Variants in THSD4 observed in about 807,000 individuals in gnomAD.
The protein encoded by THSD4 is thrombospondin type-1 domain-containing protein 4.
In THSD4, 69 loss-of-function variants were observed where a neutral mutation model predicts 119.0. The observed-to-expected ratio is 0.58, with a 90% CI of 0.48 to 0.71. The LOEUF (loss-of-function observed/expected upper bound fraction) is 0.71. Among genes scored for constraint, THSD4 ranks in the 30% least tolerant of loss-of-function variants. The pLI is 0.00. For missense variants in THSD4, 1,393 were observed against 1,391.1 expected, an observed-to-expected ratio of 1.00 and a Z score of -0.02; for synonymous variants, 524 against 540.4, an observed-to-expected ratio of 0.97 and a Z score of 0.42.
intron 6 of THSD4, among the ~76,000 whole-genome samples, chr15:71,287,244 G>A (rs2044729748): frequency 6.6e-6 from 1 of 152,168 alleles, no homozygotes; most frequent in Admixed American, 6.5e-5. Context: ...AGTGTTAGAT[G>A]CTTGTCTTTA....
chr15:71,426,745 A>T (rs920549), intron 7 of THSD4, among the ~76,000 whole-genome samples: 38,742 of 152,064 alleles, frequency 0.25, 5,067 homozygotes, highest in Middle Eastern at 0.38. Context: ...ATCTAAAAGT[A>T]CTTTCTGCTT....
intron 2 of THSD4, among the ~76,000 whole-genome samples, chr15:71,146,082 C>T (rs2040657852): frequency 1.3e-5 from 2 of 152,212 alleles, no homozygotes; most frequent in South Asian, 4.1e-4. Context: ...TTGAAATTTT[C>T]TCTTTCCTGA....
Position 71,633,253 on chromosome 15 carries a change from T to TTTTC in THSD4, c.1153-27261_1153-27258dup, listed in dbSNP as rs200700753. On this transcript the variant is annotated intron_variant, in intron 7 of 17. Transcript: ENST00000261862. ...TCAAAAGCAGTATTTCTTCTTTTCT[T>TTTTC]TTTCTTTCTTTCTTTCTTTTTTTTT... 5.9e-4 allele frequency among the ~76,000 whole-genome samples: 83 copies of TTTTC among 140,884 alleles called. 1 individual carries two copies. Among genetic ancestry groups the TTTTC allele is most frequent in the Middle Eastern group, 3.6e-3 (1 of 274 alleles). 92.4% of individuals were successfully genotyped at this position (140,884 alleles called of 152,430 possible). A position where few individuals can be genotyped will look rare whatever the true frequency, so the allele number is the denominator to read the frequency against.
Position 71,115,999 on chromosome 15 carries a change from T to G in THSD4, c.-80+301T>G, listed in dbSNP as rs1452618752. On this transcript the variant is annotated intron_variant, in intron 1 of 17. Coordinates refer to ENST00000261862, the MANE Select transcript of THSD4 (RefSeq NM_024817.3). The surrounding 1 kb of genome is among the most constrained non-coding windows in gnomAD (Gnocchi z 4.4). ...CTCGACTCTAGGGACAGTCTTAAAC[T>G]CTAGGGACAATCCACCTCAGTCGTC... is the stretch of plus-strand genomic sequence containing the variant. 6.6e-6 allele frequency among the ~76,000 whole-genome samples: 1 copy of G among 152,158 alleles called. No individual in the cohort carries two copies. Among genetic ancestry groups the G allele is most frequent in the African/African-American group, 2.4e-5 (1 of 41,440 alleles).
intron 6 of THSD4, among the ~76,000 whole-genome samples, chr15:71,328,649 C>T (rs957773783): frequency 1.3e-5 from 2 of 152,162 alleles, no homozygotes; most frequent in African/African-American, 4.8e-5. Flanking sequence ...TTTTTAGACT[C>T]TGAACCTTGG....
At chr15:71,222,465 C>G (rs559797571) in intron 4 of THSD4, among the ~76,000 whole-genome samples, 55 of 152,302 alleles carry the variant, frequency 3.6e-4, no homozygotes, top group Middle Eastern at 6.8e-3. Flanking sequence ...TTCAGATTTT[C>G]AAGTATGAAT....
intron 7 of THSD4, among the ~76,000 whole-genome samples, chr15:71,532,785 A>G (rs187101280): frequency 2.0e-5 from 3 of 152,292 alleles, no homozygotes; most frequent in East Asian, 1.9e-4. Flanking sequence ...TCTCTGTTCT[A>G]TTCGAAGCAG....
At chr15:71,320,136 C>T (rs894954247) in intron 6 of THSD4, among the ~76,000 whole-genome samples, 1 of 152,080 alleles carries the variant, frequency 6.6e-6, no homozygotes, top group Non-Finnish European at 1.5e-5. Context: ...TTCTAGTTCC[C>T]GAAGTTGGCC....
At chr15:71,157,427 C>A (rs144455611) in intron 3 of THSD4, among the ~76,000 whole-genome samples, 3 of 151,824 alleles carry the variant, frequency 2.0e-5, no homozygotes, top group East Asian at 1.9e-4. Flanking sequence ...ATTCTAGTCA[C>A]CTCATGCATT....
chr15:71,745,769 C>T (rs1344700120), intron 12 of THSD4, among the ~76,000 whole-genome samples: 1 of 152,186 alleles, frequency 6.6e-6, no homozygotes, highest in Non-Finnish European at 1.5e-5. Context: ...ATCAGCCTCC[C>T]GAGTAGCTGG....
intron 6 of THSD4, among the ~76,000 whole-genome samples, chr15:71,332,892 A>T (rs7171756): frequency 0.35 from 26,791 of 76,924 alleles, 4,501 homozygotes; most frequent in Middle Eastern, 0.44. Context: ...ATTTTTTTAC[A>T]TTTTTTTTTT....
chr15:71,680,430 C>T (rs748676507), intron 8 of THSD4, among the ~76,000 whole-genome samples: 26 of 152,068 alleles, frequency 1.7e-4, no homozygotes, highest in Non-Finnish European at 2.8e-4. Flanking sequence ...AGAATTGCTG[C>T]GAGAAGACCA....
chr15:71,295,243 C>T (rs1232578410), intron 6 of THSD4, among the ~76,000 whole-genome samples: 3 of 152,064 alleles, frequency 2.0e-5, no homozygotes, highest in Non-Finnish European at 2.9e-5. Context: ...ATGGATGAAC[C>T]AGATGAGTCC....
chr15:71,751,742 A>C (rs2053451751), intron 14 of THSD4, among the ~76,000 whole-genome samples: 1 of 152,088 alleles, frequency 6.6e-6, no homozygotes, highest in Admixed American at 6.6e-5. Flanking sequence ...ATCATGGCTC[A>C]CTGAAGCCTT....
intron 7 of THSD4, among the ~76,000 whole-genome samples, chr15:71,544,250 G>C (rs548372352): frequency 6.6e-6 from 1 of 152,156 alleles, no homozygotes; most frequent in Admixed American, 6.5e-5. Context: ...TCAGAATGCC[G>C]ACTGCCACCT....
intron 6 of THSD4, among the ~76,000 whole-genome samples, chr15:71,355,501 T>C (rs2045797976): frequency 6.6e-6 from 1 of 152,092 alleles, no homozygotes; most frequent in African/African-American, 2.4e-5. Context: ...ACCCAGGAAG[T>C]TGTTTCTTGT....
intron 17 of THSD4, among the ~76,000 whole-genome samples, chr15:71,774,709 C>T (rs911661729): frequency 6.6e-6 from 1 of 151,664 alleles, no homozygotes; most frequent in Non-Finnish European, 1.5e-5. Context: ...CCCAGGAACC[C>T]GAACTGTGGC....
intron 7 of THSD4, among the ~76,000 whole-genome samples, chr15:71,570,419 T>G (rs1047678884): frequency 6.6e-6 from 1 of 152,090 alleles, no homozygotes; most frequent in South Asian, 2.1e-4. Context: ...TTTTCTTTTT[T>G]TTTTTGAGAT....
intron 8 of THSD4, 25 bp downstream of exon 8, chr15:71,660,759 A>G: frequency 6.2e-7 from 1 of 1,613,110 alleles, no homozygotes; most frequent in Non-Finnish European, 8.5e-7. Context: ...TTTCCAGAGA[A>G]AACCGTCTGT....
Sources: allele counts gnomAD v4.1 joint callset (sites outside exome capture counted in the v4.1 genomes callset), GRCh38; gene constraint gnomAD v4.1.1; non-coding constraint Gnocchi (gnomAD v3.1); transcripts MANE v1.5; gene names NCBI Gene and HGNC (gene_info 2026-07-23, HGNC 2026-07-21).